MGAT4C: variants seen among roughly 807,000 people sequenced by gnomAD.
MGAT4C encodes MGAT4 family member C.
A neutral mutation model predicts 40.1 loss-of-function variants in MGAT4C; 19 were observed. The ratio of observed to expected loss-of-function variants is 0.47; its 90% confidence interval spans 0.33 to 0.70. MGAT4C has a LOEUF of 0.70. Among genes scored for constraint, MGAT4C ranks in the 30% least tolerant of loss-of-function variants. MGAT4C has a pLI of 0.02. For synonymous variants in MGAT4C, 181 were observed against 187.1 expected (o/e 0.97, Z 0.27); for missense variants, 491 against 563.2 (o/e 0.87, Z 1.30).
intron 4 of MGAT4C, among the ~76,000 whole-genome samples, chr12:86,266,684 A>G (rs925869573): frequency 6.6e-6 from 1 of 152,082 alleles, no homozygotes; most frequent in South Asian, 2.1e-4. Context: ...CTCTTCCTCA[A>G]TTTTTTGAAC....
At chr12:86,177,577 A>G (rs1036645986) in intron 1 of MGAT4C, among the ~76,000 whole-genome samples, 4 of 152,144 alleles carry the variant, frequency 2.6e-5, no homozygotes, top group Non-Finnish European at 5.9e-5. Flanking sequence ...TAGAAATCAT[A>G]AAATGAGTGA....
chr12:86,114,246 T>G (rs1877971809), intron 1 of MGAT4C, among the ~76,000 whole-genome samples: 1 of 151,862 alleles, frequency 6.6e-6, no homozygotes, highest in African/African-American at 2.4e-5. Context: ...ATTCCTTAAA[T>G]GGTTTTGTCA....
intron 1 of MGAT4C, among the ~76,000 whole-genome samples, chr12:86,819,691 TA>T (rs1222033773): frequency 1.3e-5 from 2 of 150,960 alleles, no homozygotes; most frequent in African/African-American, 4.8e-5. Flanking sequence ...ATATGTATTT[TA>T]ATACAGAAAA....
intron 1 of MGAT4C, among the ~76,000 whole-genome samples, chr12:86,240,940 A>G (rs771419628): frequency 2.0e-5 from 3 of 152,132 alleles, no homozygotes; most frequent in Non-Finnish European, 4.4e-5. Flanking sequence ...CCTGAATTAT[A>G]TCAGAGCCTT....
intron 4 of MGAT4C, among the ~76,000 whole-genome samples, chr12:86,316,079 C>CAAAAAAAAA (rs71076185): frequency 2.9e-5 from 1 of 34,062 alleles, no homozygotes; most frequent in Non-Finnish European, 5.0e-5. Context: ...ATACAAGCAG[C>CAAAAAAAAA]AAAAAAAAAA....
At chr12:86,688,819 T>G (rs1950121833) in intron 2 of MGAT4C, among the ~76,000 whole-genome samples, 1 of 152,156 alleles carries the variant, frequency 6.6e-6, no homozygotes, top group Admixed American at 6.5e-5. Flanking sequence ...GACAATTATG[T>G]GTCTGGGGGT....
intron 2 of MGAT4C, among the ~76,000 whole-genome samples, chr12:86,469,450 G>A (rs924214410): frequency 2.6e-5 from 4 of 152,116 alleles, no homozygotes; most frequent in East Asian, 1.9e-4. Context: ...AAGCTGTCAT[G>A]TTGTACTCTC....
intron 1 of MGAT4C, among the ~76,000 whole-genome samples, chr12:86,788,144 C>CACATAT (rs1438481148): frequency 6.7e-6 from 1 of 150,372 alleles, no homozygotes; most frequent in African/African-American, 2.4e-5. Flanking sequence ...ATATAACACC[C>CACATAT]ACATATACAT....
intron 3 of MGAT4C, among the ~76,000 whole-genome samples, chr12:86,420,834 T>C (rs1956809133): frequency 6.7e-6 from 1 of 149,304 alleles, no homozygotes; most frequent in African/African-American, 2.5e-5. Context: ...TATGTATACA[T>C]ACACACATAT....
At chr12:86,010,061 A>C (rs530026662) in intron 2 of MGAT4C, among the ~76,000 whole-genome samples, 12 of 152,334 alleles carry the variant, frequency 7.9e-5, no homozygotes, top group African/African-American at 2.9e-4. Context: ...AGACATAGGG[A>C]ATATGGTGTA....
chr12:86,029,794 C>T (rs759162103), intron 2 of MGAT4C, among the ~76,000 whole-genome samples: 3 of 151,640 alleles, frequency 2.0e-5, no homozygotes, highest in East Asian at 1.9e-4. Flanking sequence ...TCTCTTTATT[C>T]GTTGATGAAT....
At chr12:86,150,687 T>TA (rs896398025) in intron 1 of MGAT4C, among the ~76,000 whole-genome samples, 12 of 152,146 alleles carry the variant, frequency 7.9e-5, no homozygotes, top group African/African-American at 2.9e-4. Context: ...TCAAGCTCAA[T>TA]AATTTGCTTG....
intron 2 of MGAT4C, chr12:86,016,413 A>G (rs922766339): frequency 2.0e-5 from 3 of 152,140 alleles, no homozygotes; most frequent in Non-Finnish European, 2.9e-5. Context: ...TAAGCTGTGG[A>G]AACTAATATT....
chr12:86,376,844 CAGAGAGAGAG>C (rs71076192), intron 3 of MGAT4C, among the ~76,000 whole-genome samples: 24 of 103,172 alleles, frequency 2.3e-4, no homozygotes, highest in Middle Eastern at 0.011. Flanking sequence ...GAGAGAGAGA[CAGAGAGAGAG>C]AGAGAGAGAG....
At chr12:86,037,734 T>A (rs929936727) in intron 2 of MGAT4C, among the ~76,000 whole-genome samples, 3 of 149,832 alleles carry the variant, frequency 2.0e-5, no homozygotes, top group African/African-American at 7.3e-5. Flanking sequence ...TTAGAATATG[T>A]GGGATGTGGT....
chr12:86,590,174 C>T (rs374864643), intron 2 of MGAT4C, among the ~76,000 whole-genome samples: 1 of 151,924 alleles, frequency 6.6e-6, no homozygotes, highest in African/African-American at 2.4e-5. Flanking sequence ...AGATACTTCC[C>T]TAGGTGCTCT....
At chr12:86,132,814 GAAAA>G (rs1881426286) in intron 1 of MGAT4C, among the ~76,000 whole-genome samples, 2 of 122,512 alleles carry the variant, frequency 1.6e-5, no homozygotes, top group Non-Finnish European at 3.5e-5. Context: ...AAAAAAAAAA[GAAAA>G]AAGAAAAACT....
intron 1 of MGAT4C, among the ~76,000 whole-genome samples, chr12:86,738,002 A>G (rs1170166780): frequency 6.6e-6 from 1 of 151,484 alleles, no homozygotes; most frequent in Non-Finnish European, 1.5e-5. Context: ...ACAATACCAC[A>G]CTACTGAAAA....
intron 2 of MGAT4C, among the ~76,000 whole-genome samples, chr12:86,452,112 CTTGT>C (rs1040345106): frequency 1.3e-5 from 2 of 151,896 alleles, no homozygotes; most frequent in East Asian, 1.9e-4. Flanking sequence ...TGACCTGTTT[CTTGT>C]TTGTTTTTCT....
Sources: gnomAD v4.1 joint callset for allele counts (sites outside exome capture counted in the v4.1 genomes callset) on GRCh38, gnomAD v4.1.1 for gene constraint, MANE v1.5 for transcripts, NCBI Gene and HGNC (gene_info 2026-07-23, HGNC 2026-07-21) for gene names.